KIF2A: variants seen among roughly 807,000 people sequenced by gnomAD.
KIF2A encodes the protein kinesin-like protein KIF2A.
Under a neutral mutation model 100.2 loss-of-function variants are expected in KIF2A, and 22 were observed. The observed-to-expected ratio is 0.22, with a 90% CI of 0.16 to 0.31. The LOEUF (loss-of-function observed/expected upper bound fraction) is 0.31, where lower values mean the gene tolerates loss of function less well. KIF2A is among the 10% of genes least tolerant of loss of function. KIF2A has a pLI of 1.00. For synonymous variants in KIF2A, 268 were observed against 285.9 expected (o/e 0.94, Z 0.63); for missense variants, 495 against 898.7 (o/e 0.55, Z 5.74).
Position 62,385,637 on chromosome 5 carries a change from G to A in KIF2A, c.*68G>A. On this transcript the variant is annotated 3_prime_UTR_variant, in exon 21 of 21. Transcript: ENST00000407818. ...GTAACATACAACGGTTCAGCTGTAA[G>A]GGCCATTTGAAAGTTTGGAATTTTA... 1 of 1,097,150 alleles carries A rather than the reference G, an allele frequency of 9.1e-7. No individual in the cohort carries two copies. The highest frequency in any genetic ancestry group is 1.6e-5 in the African/African-American group (1 of 63,558). 68.0% of individuals were successfully genotyped at this position (1,097,150 alleles called of 1,614,324 possible).
chr5:62,328,991 C>T (rs1206613719), intron 1 of KIF2A, among the ~76,000 whole-genome samples: 2 of 152,164 alleles, frequency 1.3e-5, no homozygotes, highest in Non-Finnish European at 2.9e-5. Flanking sequence ...CTATTTTTTA[C>T]ATCCCTTTTC....
chr5:62,333,799 G>C (rs910902826), intron 1 of KIF2A, among the ~76,000 whole-genome samples: 1 of 152,082 alleles, frequency 6.6e-6, no homozygotes, highest in African/African-American at 2.4e-5. Flanking sequence ...GCATTTAACA[G>C]GACAAGCTCT....
intron 5 of KIF2A, 174 bp from the exon 6 acceptor site, chr5:62,353,101 C>A: frequency 2.1e-6 from 1 of 487,366 alleles, no homozygotes; most frequent in African/African-American, 2.0e-5. Flanking sequence ...GTACATTGTC[C>A]TATTTTAGTT....
chr5:62,377,524 T>A lies in KIF2A; in HGVS notation c.1912-137T>A, dbSNP rs1741601959. On this transcript the variant is annotated intron_variant, in intron 18 of 20. Transcript: ENST00000407818. ...AAGAAAGAAATCGTGGCTTTGCCTT[T>A]TATATATATTTTACTAGCCTTTACC... is the stretch of plus-strand genomic sequence containing the variant. 9.2e-6 allele frequency: 4 copies of A among 436,416 alleles called. No homozygotes were observed. The South Asian group carries it at 2.7e-4, about 30-fold the overall frequency. The allele number at this position is 436,416 out of a possible 1,614,324, so 27.0% of individuals were successfully genotyped here.
At chr5:62,321,273 G>C (rs548867589) in intron 1 of KIF2A, among the ~76,000 whole-genome samples, 241 of 152,192 alleles carry the variant, frequency 1.6e-3, no homozygotes, top group Middle Eastern at 6.8e-3. Context: ...GTTTTTGTGG[G>C]TTATACCTAG....
At position 62,350,073 on chromosome 5, in the gene KIF2A, G is replaced by A. The variant is rs1007319532; in HGVS notation, c.287G>A (p.Arg96Gln). Reference sequence around the variant, plus strand: ...CATTTTTTCCTTTCATAGAATCGACGGACTGTAGCTTCTATTAAGAATGAC... The same window carrying A: ...CATTTTTTCCTTTCATAGAATCGACAGACTGTAGCTTCTATTAAGAATGAC... Reference protein sequence around the residue: ...AKVNKIVKNRRTVASIKNDPP... With the variant: ...AKVNKIVKNRQTVASIKNDPP... The change falls in exon 4 of 21, where the codon CGG becomes CAG. Residue 96 changes from arginine to glutamine, a missense_variant. By Grantham distance (43) the Arg-to-Gln change is conservative. This residue lies in a region of KIF2A where 115 missense variants were observed against 143.6 expected (regional missense o/e 0.80). Transcript: ENST00000407818. 5 of 1,587,348 alleles carry A rather than the reference G, an allele frequency of 3.1e-6. No individual in the cohort carries two copies. The highest frequency in any genetic ancestry group is 1.8e-5 in the Admixed American group (1 of 56,550).
intron 1 of KIF2A, among the ~76,000 whole-genome samples, chr5:62,337,125 ATAATC>A (rs1225937570): frequency 1.3e-5 from 2 of 152,256 alleles, no homozygotes; most frequent in Non-Finnish European, 2.9e-5. Flanking sequence ...CAAGAGTTGA[ATAATC>A]TAATTTCACA....
chr5:62,333,999 G>A (rs905894556), intron 1 of KIF2A, among the ~76,000 whole-genome samples: 1 of 152,072 alleles, frequency 6.6e-6, no homozygotes, highest in African/African-American at 2.4e-5. Flanking sequence ...AGAAGCTGTC[G>A]TCACCCTCCT....
chr5:62,369,634 T>C (rs1741229668), intron 16 of KIF2A, among the ~76,000 whole-genome samples: 1 of 152,148 alleles, frequency 6.6e-6, no homozygotes, highest in African/African-American at 2.4e-5. Flanking sequence ...TTAACCTTCC[T>C]TGATACTCAT....
intron 19 of KIF2A, 33 bp from the exon 20 acceptor site, chr5:62,381,085 G>A: frequency 6.4e-7 from 1 of 1,563,504 alleles, no homozygotes; most frequent in Non-Finnish European, 8.8e-7. Flanking sequence ...GCACAAAGAT[G>A]CTTATTGGAT....
intron 1 of KIF2A, among the ~76,000 whole-genome samples, chr5:62,321,302 A>G (rs1746079061): frequency 6.6e-6 from 1 of 152,202 alleles, no homozygotes; most frequent in Admixed American, 6.5e-5. Context: ...TTGCTGGATT[A>G]TATGGTAACT....
intron 1 of KIF2A, among the ~76,000 whole-genome samples, chr5:62,326,851 G>A (rs1020884966): frequency 5.3e-5 from 8 of 152,132 alleles, no homozygotes; most frequent in Non-Finnish European, 1.2e-4. Context: ...CCAAAGGTTA[G>A]CAGGGCATGG....
chr5:62,341,381 G>A (rs1486296534), intron 1 of KIF2A, among the ~76,000 whole-genome samples: 1 of 151,852 alleles, frequency 6.6e-6, no homozygotes, highest in Non-Finnish European at 1.5e-5. Context: ...GCTCACTGCA[G>A]CCTTGACCTC....
intron 19 of KIF2A, among the ~76,000 whole-genome samples, chr5:62,380,372 A>T (rs1350405839): frequency 6.6e-6 from 1 of 152,136 alleles, no homozygotes; most frequent in Non-Finnish European, 1.5e-5. Context: ...TTTAATATTG[A>T]TGTATTTGAT....
chr5:62,346,813 T>G (rs1747593999), intron 1 of KIF2A, among the ~76,000 whole-genome samples: 1 of 152,234 alleles, frequency 6.6e-6, no homozygotes, highest in Non-Finnish European at 1.5e-5. Flanking sequence ...TAAGGACACT[T>G]TCTAATGATT....
At position 62,390,826 on chromosome 5, in the gene KIF2A, G is replaced by C. The variant is rs1436604900; in HGVS notation, c.*5257G>C. The C allele has an allele frequency of 6.9e-7, 1 of 1,442,474 alleles. No individual in the cohort carries two copies. Among genetic ancestry groups the C allele is most frequent in the East Asian group, 2.3e-5 (1 of 44,084 alleles). The allele number at this position is 1,442,474 out of a possible 1,614,324, so 89.4% of individuals were successfully genotyped here. A position where few individuals can be genotyped will look rare whatever the true frequency, so the allele number is the denominator to read the frequency against. Reference sequence around the variant, plus strand: ...AGCCTTTAAAATCTCCAATCTGAAGGTGTCACAGTAAAGAAATGTAAACAC... The same window carrying C: ...AGCCTTTAAAATCTCCAATCTGAAGCTGTCACAGTAAAGAAATGTAAACAC... On this transcript the variant is annotated 3_prime_UTR_variant, in exon 21 of 21. Transcript: ENST00000407818.
At chr5:62,381,707 G>A (rs1741778647) in intron 20 of KIF2A, among the ~76,000 whole-genome samples, 1 of 152,214 alleles carries the variant, frequency 6.6e-6, no homozygotes, top group Non-Finnish European at 1.5e-5. Context: ...TGGGACTACA[G>A]GCGCAAGCCA....
At chr5:62,364,304 C>T (rs1740958619) in intron 14 of KIF2A, among the ~76,000 whole-genome samples, 1 of 152,118 alleles carries the variant, frequency 6.6e-6, no homozygotes, top group Admixed American at 6.6e-5. Flanking sequence ...CGCACCACCA[C>T]ACCCAGCTAA....
Position 62,366,479 on chromosome 5 carries a change from T to A in KIF2A, c.1644T>A (p.Asn548Lys). Residue 548 changes from asparagine to lysine, a missense_variant and splice_region_variant, in exon 16 of 21, where the codon AAT (asparagine) becomes AAA (lysine). By Grantham distance (94) the Asn-to-Lys change is moderately conservative. This residue lies in a region of KIF2A where 100 missense variants were observed against 138.2 expected (regional missense o/e 0.72). Transcript: ENST00000407818. Reference protein sequence around the residue: ...ENTLNTLRYANRVKEFGISPS... With the variant: ...ENTLNTLRYAKRVKEFGISPS... ...CTCTTAATACATTAAGATATGCAAA[T>A]AGGTATGAGAGATAGTTCTCCATTT... 6.5e-7 allele frequency: 1 copy of A among 1,538,468 alleles called. No individual in the cohort carries two copies. The highest frequency in any genetic ancestry group is 8.9e-7 in the Non-Finnish European group (1 of 1,122,502).
Sources: gnomAD v4.1 joint callset for allele counts (sites outside exome capture counted in the v4.1 genomes callset) on GRCh38, gnomAD v4.1.1 for gene constraint, gnomAD v4.1.1 regional missense constraint, MANE v1.5 for transcripts, NCBI Gene and HGNC (gene_info 2026-07-23, HGNC 2026-07-21) for gene names.